FBXO38: variants seen among roughly 807,000 people sequenced by gnomAD.
FBXO38 encodes F-box protein 38, also known as F-box only protein 38.
In FBXO38, 53 loss-of-function variants were observed where a neutral mutation model predicts 131.9. The observed-to-expected ratio is 0.40, with a 90% CI of 0.32 to 0.51. The LOEUF is 0.51. FBXO38 is among the 20% of genes least tolerant of loss of function. The pLI is 0.53. For synonymous variants in FBXO38, 452 were observed against 505.6 expected, an observed-to-expected ratio of 0.89 and a Z score of 1.42; for missense variants, 1,076 against 1,475.6, an observed-to-expected ratio of 0.73 and a Z score of 4.44.
chr5:148,429,159 G>A (rs192744403), intron 15 of FBXO38, among the ~76,000 whole-genome samples: 3 of 152,040 alleles, frequency 2.0e-5, no homozygotes, highest in African/African-American at 4.8e-5. Flanking sequence ...GTGGTTTTTC[G>A]TATTTGCAAA....
chr5:148,414,074 G>T, intron 9 of FBXO38, 62 bp from the exon 10 acceptor site: 2 of 1,495,896 alleles, frequency 1.3e-6, no homozygotes, highest in South Asian at 1.3e-5. Flanking sequence ...TACAAAGTTG[G>T]TAACACTCCC....
chr5:148,437,150 C>T (rs1016635803), intron 17 of FBXO38, among the ~76,000 whole-genome samples: 1 of 152,242 alleles, frequency 6.6e-6, no homozygotes, highest in Non-Finnish European at 1.5e-5. Context: ...ATGGATCACA[C>T]GGCCTCAGGC....
intron 1 of FBXO38, among the ~76,000 whole-genome samples, 171 bp from the exon 2 acceptor site, chr5:148,394,543 A>G (rs940466687): frequency 1.3e-5 from 2 of 152,154 alleles, no homozygotes; most frequent in African/African-American, 4.8e-5. Context: ...TCTTGAGAAA[A>G]AGATGTTCTG....
intron 5 of FBXO38, among the ~76,000 whole-genome samples, chr5:148,404,377 G>A (rs1347490329): frequency 6.6e-6 from 1 of 152,146 alleles, no homozygotes; most frequent in African/African-American, 2.4e-5. Context: ...CTGGGAAAAC[G>A]TATCCTAGAA....
chr5:148,400,669 A>G (rs1014711153), intron 3 of FBXO38, among the ~76,000 whole-genome samples: 13 of 152,156 alleles, frequency 8.5e-5, no homozygotes, highest in Admixed American at 8.5e-4. Flanking sequence ...GTTTACGTAT[A>G]TGATCTCTTT....
At chr5:148,388,915 A>G (rs1040996567) in intron 1 of FBXO38, among the ~76,000 whole-genome samples, 2 of 152,268 alleles carry the variant, frequency 1.3e-5, no homozygotes, top group South Asian at 2.1e-4. Flanking sequence ...TTGGCTTTCA[A>G]CATGACTTCC....
At chr5:148,398,917 G>A in intron 2 of FBXO38, 82 bp from the exon 3 acceptor site, 1 of 1,479,910 alleles carries the variant, frequency 6.8e-7, no homozygotes, top group Non-Finnish European at 9.3e-7. Context: ...GTAGGAGATT[G>A]GAAGAAGGAA....
chr5:148,385,061 A>G (rs939210148), intron 1 of FBXO38: 2 of 152,238 alleles, frequency 1.3e-5, no homozygotes, highest in Non-Finnish European at 2.9e-5. Context: ...TAATAGTTCT[A>G]TAAAGCCATG....
chr5:148,385,905 G>T (rs531453543), intron 1 of FBXO38, among the ~76,000 whole-genome samples: 1 of 152,108 alleles, frequency 6.6e-6, no homozygotes, highest in African/African-American at 2.4e-5. Context: ...AGTGAGAGGG[G>T]GTATTTTTCA....
rs1263865419 is a variant in FBXO38, at chr5:148,394,788, A to G, written c.12A>G (p.Arg4=). The change falls in exon 2 of 22, where the codon CGA becomes CGG. Residue 4 remains arginine, a synonymous_variant. Coordinates refer to ENST00000340253, the MANE Select transcript of FBXO38 (RefSeq NM_205836.3). ...GAGACTGCACAACAATGGGGCCACG[A>G]AAGAAAAGTGTGAAAACATGTATCA... MGP[R]KKSVKTCIMN... is the part of the protein sequence containing the mutation. The G allele has an allele frequency of 2.5e-6, 4 of 1,577,032 alleles. No homozygotes were observed. Among genetic ancestry groups the G allele is most frequent in the East Asian group, 2.4e-5 (1 of 42,524 alleles).
intron 5 of FBXO38, among the ~76,000 whole-genome samples, chr5:148,403,727 G>A (rs988201322): frequency 3.3e-5 from 5 of 152,132 alleles, no homozygotes; most frequent in Non-Finnish European, 7.4e-5. Flanking sequence ...AGAACATTTG[G>A]TAGAATTTAG....
rs771139315 is a variant in FBXO38 at position 148,399,041 on chromosome 5, C to T, written c.171C>T (p.Ser57=). The T allele has an allele frequency of 1.2e-6, 2 of 1,613,464 alleles. No homozygotes were observed. Among genetic ancestry groups the T allele is most frequent in the Non-Finnish European group, 1.7e-6 (2 of 1,179,624 alleles). ...LQDIMCMECL[S]RKLKEAVTLY... ...ATATCATGTGTATGGAATGTCTTTC[C>T]CGGAAGCTAAAGGAAGCAGTGACCC... Residue 57 remains serine, a synonymous_variant, in exon 3 of 22, where the codon TCC becomes TCT. Transcript: ENST00000340253.
rs17776900 is a variant in FBXO38 at position 148,405,475 on chromosome 5, T to C, written c.730+653T>C. Among the ~76,000 whole-genome samples, 852 of 152,290 alleles carry C rather than the reference T, an allele frequency of 5.6e-3. 33 individuals carry two copies. The East Asian group carries it at 0.1, about 19-fold the overall frequency. On this transcript the variant is annotated intron_variant, in intron 6 of 21. Transcript: ENST00000340253. ...GTCAAAATATTGGACACCGCTGCACTAGAGCATTAAGTGGGAACTACTCTG... is the reference window on the plus strand; with the variant it reads ...GTCAAAATATTGGACACCGCTGCACCAGAGCATTAAGTGGGAACTACTCTG...
At chr5:148,417,632 CT>C (rs1194147253) in intron 12 of FBXO38, among the ~76,000 whole-genome samples, 1 of 152,128 alleles carries the variant, frequency 6.6e-6, no homozygotes, top group Non-Finnish European at 1.5e-5. Flanking sequence ...TTTCATGTAC[CT>C]TTAATCATTA....
intron 10 of FBXO38, among the ~76,000 whole-genome samples, chr5:148,415,178 G>A (rs761720242): frequency 4.6e-5 from 7 of 152,196 alleles, no homozygotes; most frequent in South Asian, 2.1e-4. Context: ...TGTAGCAGGC[G>A]TAGATGACTT....
rs141723378 is a variant in FBXO38, at chr5:148,421,789, A to G, written c.1619-2209A>G. ...AGGGGCATCACCATCCAATTTAATTACCAGAGACTAAAATCAAGACATTAT... is the reference window on the plus strand; with the variant it reads ...AGGGGCATCACCATCCAATTTAATTGCCAGAGACTAAAATCAAGACATTAT... On this transcript the variant is annotated intron_variant, in intron 12 of 21. Transcript: ENST00000340253. Among the ~76,000 whole-genome samples, 342 of 152,324 alleles carry G rather than the reference A, an allele frequency of 2.2e-3. 3 individuals are homozygous for G. The highest frequency in any genetic ancestry group is 7.8e-3 in the African/African-American group (325 of 41,576).
At chr5:148,407,038 A>G (rs1752481884) in intron 7 of FBXO38, among the ~76,000 whole-genome samples, 1 of 152,250 alleles carries the variant, frequency 6.6e-6, no homozygotes, top group Non-Finnish European at 1.5e-5. Context: ...TAAAATGGAA[A>G]GTCATCAAGT....
At chr5:148,390,871 G>A (rs906292894) in intron 1 of FBXO38, among the ~76,000 whole-genome samples, 4 of 152,134 alleles carry the variant, frequency 2.6e-5, no homozygotes, top group African/African-American at 9.7e-5. Flanking sequence ...TTATTAGGTG[G>A]TGTGAATTTG....
chr5:148,385,613 TG>T (rs941031502), intron 1 of FBXO38, among the ~76,000 whole-genome samples: 1 of 152,076 alleles, frequency 6.6e-6, no homozygotes, highest in African/African-American at 2.4e-5. Flanking sequence ...ATCATCCTGT[TG>T]GGGGGTTTTT....
Sources: gnomAD v4.1 joint callset for allele counts (sites outside exome capture counted in the v4.1 genomes callset) on GRCh38, gnomAD v4.1.1 for gene constraint, MANE v1.5 for transcripts, NCBI Gene and HGNC (gene_info 2026-07-23, HGNC 2026-07-21) for gene names.